CSMD1: variants seen among roughly 807,000 people sequenced by gnomAD.
CSMD1 encodes the protein CUB and Sushi multiple domains 1.
In CSMD1, 213 loss-of-function variants were observed where a neutral mutation model predicts 417.5. The observed-to-expected ratio is 0.51, with a 90% CI of 0.46 to 0.57. The LOEUF is 0.57. Among genes scored for constraint, CSMD1 ranks in the 20% least tolerant of loss-of-function variants. The probability of loss-of-function intolerance (pLI) is 0.00; values close to 1 mark genes in which losing one functional copy is unlikely to be tolerated. For missense variants in CSMD1, 6,923 were observed against 4,529.7 expected (o/e 1.53, Z -15.17); for synonymous variants, 2,862 against 1,736.8 (o/e 1.65, Z -16.11).
At chr8:4,439,212 T>C (rs1436931944) in intron 2 of CSMD1, among the ~76,000 whole-genome samples, 1 of 152,156 alleles carries the variant, frequency 6.6e-6, no homozygotes, top group Admixed American at 6.6e-5. Flanking sequence ...CAAATTTCAT[T>C]TATTTGAAAT....
chr8:4,789,414 T>C (rs926005638), intron 1 of CSMD1, among the ~76,000 whole-genome samples: 2 of 152,190 alleles, frequency 1.3e-5, no homozygotes, highest in African/African-American at 4.8e-5. Context: ...CTCTCGTATC[T>C]AATATTGATA....
chr8:3,768,328 A>C (rs1026717782), intron 5 of CSMD1, among the ~76,000 whole-genome samples: 4 of 152,194 alleles, frequency 2.6e-5, no homozygotes, highest in African/African-American at 9.6e-5. Context: ...AATCCAACCT[A>C]ACTGTGGAAG....
intron 3 of CSMD1, among the ~76,000 whole-genome samples, chr8:4,256,476 T>G (rs1311289150): frequency 6.6e-6 from 1 of 152,186 alleles, no homozygotes; most frequent in Admixed American, 6.5e-5. Context: ...AACCGAGTAC[T>G]GGTAAAGGGA....
chr8:4,165,485 C>G (rs1473707484), intron 3 of CSMD1, among the ~76,000 whole-genome samples: 1 of 152,176 alleles, frequency 6.6e-6, no homozygotes, highest in African/African-American at 2.4e-5. Flanking sequence ...CTCACTGTAG[C>G]CTCAAGTGCC....
chr8:4,800,394 C>T (rs534148257), intron 1 of CSMD1, among the ~76,000 whole-genome samples: 13 of 147,890 alleles, frequency 8.8e-5, no homozygotes, highest in Admixed American at 6.8e-5. Context: ...TCAGAGATCA[C>T]GCCACTGTAC....
intron 5 of CSMD1, among the ~76,000 whole-genome samples, chr8:3,915,519 G>C (rs1032384070): frequency 6.6e-6 from 1 of 151,088 alleles, no homozygotes; most frequent in South Asian, 2.1e-4. Context: ...ACTGGGCTTT[G>C]TTGATCATAC....
At chr8:4,586,454 A>C (rs1045884770) in intron 2 of CSMD1, among the ~76,000 whole-genome samples, 5 of 152,264 alleles carry the variant, frequency 3.3e-5, no homozygotes, top group South Asian at 4.1e-4. Context: ...CAAATTCATA[A>C]CTGTGATATT....
At chr8:3,600,060 G>C (rs567315318) in intron 8 of CSMD1, among the ~76,000 whole-genome samples, 1 of 152,280 alleles carries the variant, frequency 6.6e-6, no homozygotes, top group South Asian at 2.1e-4. Flanking sequence ...GGTAGAGCTG[G>C]TTCTGAATGC....
At chr8:4,463,917 T>A (rs1166432268) in intron 2 of CSMD1, among the ~76,000 whole-genome samples, 1 of 152,112 alleles carries the variant, frequency 6.6e-6, no homozygotes, top group Non-Finnish European at 1.5e-5. Flanking sequence ...ATAGCTCTGA[T>A]TAAAAGAAAG....
intron 5 of CSMD1, among the ~76,000 whole-genome samples, chr8:3,955,656 G>T (rs1271100958): frequency 6.6e-6 from 1 of 152,040 alleles, no homozygotes; most frequent in South Asian, 2.1e-4. Context: ...CTCTTTCACC[G>T]ATTCTAAAAG....
chr8:4,634,404 T>C (rs1802708915), intron 2 of CSMD1, among the ~76,000 whole-genome samples: 2 of 152,200 alleles, frequency 1.3e-5, no homozygotes, highest in South Asian at 4.1e-4. Flanking sequence ...ACAGTGGTTA[T>C]GTGAAAGAAA....
intron 4 of CSMD1, among the ~76,000 whole-genome samples, chr8:4,031,672 C>T (rs919738974): frequency 6.6e-6 from 1 of 152,150 alleles, no homozygotes; most frequent in South Asian, 2.1e-4. Flanking sequence ...TATTACTTAT[C>T]ACATGTTATT....
chr8:4,937,455 A>C (rs1254644522), intron 1 of CSMD1, among the ~76,000 whole-genome samples: 1 of 152,204 alleles, frequency 6.6e-6, no homozygotes, highest in East Asian at 1.9e-4. Context: ...AGTAATACTA[A>C]GGCAAGGTAT....
chr8:3,218,113 G>A (rs1426100482), intron 29 of CSMD1, among the ~76,000 whole-genome samples: 1 of 152,152 alleles, frequency 6.6e-6, no homozygotes, highest in Non-Finnish European at 1.5e-5. Context: ...GGATGTTAGT[G>A]GCAGGGAATG....
intron 5 of CSMD1, among the ~76,000 whole-genome samples, chr8:3,791,695 T>A (rs1362541045): frequency 6.6e-6 from 1 of 151,970 alleles, no homozygotes; most frequent in Admixed American, 6.6e-5. Flanking sequence ...CGATGGTGGG[T>A]ACCTGTAATC....
At chr8:4,569,201 G>C (rs962098486) in intron 2 of CSMD1, among the ~76,000 whole-genome samples, 15 of 152,106 alleles carry the variant, frequency 9.9e-5, no homozygotes, top group Non-Finnish European at 1.9e-4. Context: ...TGGTGTTTTA[G>C]TCATGAAGTC....
chr8:3,165,030 T>C (rs953726829), intron 37 of CSMD1, among the ~76,000 whole-genome samples: 1 of 151,774 alleles, frequency 6.6e-6, no homozygotes, highest in Admixed American at 6.6e-5. Flanking sequence ...TATAAATAAA[T>C]GAATAAAATA....
chr8:4,574,262 G>C (rs112248929), intron 2 of CSMD1, among the ~76,000 whole-genome samples: 2,547 of 152,274 alleles, frequency 0.017, 69 homozygotes, highest in African/African-American at 0.058. Flanking sequence ...GTAGGCATCT[G>C]AGGGAATTTC....
At chr8:2,989,593 T>C (rs769869187) in intron 54 of CSMD1, among the ~76,000 whole-genome samples, 3 of 152,232 alleles carry the variant, frequency 2.0e-5, no homozygotes, top group Non-Finnish European at 2.9e-5. Flanking sequence ...GAGTTTAAAA[T>C]GCATCAACGA....
Sources: gnomAD v4.1 joint callset for allele counts (sites outside exome capture counted in the v4.1 genomes callset) on GRCh38, gnomAD v4.1.1 for gene constraint, MANE v1.5 for transcripts, NCBI Gene and HGNC (gene_info 2026-07-23, HGNC 2026-07-21) for gene names.